Variants in PLXNA2 observed in about 807,000 individuals in gnomAD.
PLXNA2 encodes the protein plexin-A2.
PLXNA2 carries 91 observed loss-of-function variants against 193.5 expected under a neutral mutation model. The observed-to-expected ratio is 0.47, with a 90% CI of 0.40 to 0.56. The LOEUF (loss-of-function observed/expected upper bound fraction) is 0.56. PLXNA2 is among the 20% of genes least tolerant of loss of function. The probability of loss-of-function intolerance (pLI) is 0.00; values close to 1 mark genes in which losing one functional copy is unlikely to be tolerated. For synonymous variants in PLXNA2, 997 were observed against 1,027.3 expected (o/e 0.97, Z 0.56); for missense variants, 1,995 against 2,503.2 (o/e 0.80, Z 4.33).
At chr1:208,149,676 G>C (rs1475267626) in intron 3 of PLXNA2, among the ~76,000 whole-genome samples, 3 of 152,030 alleles carry the variant, frequency 2.0e-5, no homozygotes, top group African/African-American at 7.2e-5. Context: ...GAGTTAATGA[G>C]AGTGTATCTG....
chr1:208,023,558 T>C lies in PLXNA2; in HGVS notation c.*3685A>G, dbSNP rs1664251174. On this transcript the variant is annotated 3_prime_UTR_variant, in exon 32 of 32. Coordinates refer to ENST00000367033, the MANE Select transcript of PLXNA2 (RefSeq NM_025179.4). ...GCAGGTGAAGTGCAGCCAGAAGAGA[T>C]GGTGGCAGTAGAAACAAGAGCAGCT... 1 of 152,712 alleles carries C rather than the reference T, an allele frequency of 6.5e-6. No homozygotes were observed. Among genetic ancestry groups the C allele is most frequent in the Non-Finnish European group, 1.5e-5 (1 of 68,154 alleles). The allele number at this position is 152,712 out of a possible 1,614,324, so 9.5% of individuals were successfully genotyped here.
At chr1:208,077,334 GCCTCGCGTAGCCTGGGTGT>G (rs1558180003) in intron 12 of PLXNA2, among the ~76,000 whole-genome samples, 1 of 152,168 alleles carries the variant, frequency 6.6e-6, no homozygotes, top group Non-Finnish European at 1.5e-5. Flanking sequence ...GGGTTAATTA[GCCTCGCGTAGCCTGGGTGT>G]CCTCTGTGAA....
At chr1:208,113,802 C>T (rs1466425016) in intron 4 of PLXNA2, among the ~76,000 whole-genome samples, 4 of 152,050 alleles carry the variant, frequency 2.6e-5, no homozygotes, top group East Asian at 1.9e-4. Context: ...GTGATCTGCC[C>T]GCCAGAGCAA....
At chr1:208,094,972 C>T (rs1666832894) in intron 8 of PLXNA2, among the ~76,000 whole-genome samples, 1 of 152,192 alleles carries the variant, frequency 6.6e-6, no homozygotes, top group Non-Finnish European at 1.5e-5. Flanking sequence ...CCTTCATGCC[C>T]ATAGCTTGGA....
intron 8 of PLXNA2, among the ~76,000 whole-genome samples, chr1:208,094,449 G>C: frequency 6.7e-6 from 1 of 150,190 alleles, no homozygotes; most frequent in East Asian, 1.9e-4. Context: ...TTTTTTTTCT[G>C]TTAAAACTTG....
At chr1:208,170,828 G>GAAATA (rs1322006008) in intron 3 of PLXNA2, among the ~76,000 whole-genome samples, 1 of 151,990 alleles carries the variant, frequency 6.6e-6, no homozygotes, top group Admixed American at 6.6e-5. Flanking sequence ...AGTATAAACA[G>GAAATA]AAATAAAATA....
chr1:208,118,632 T>C (rs1258112363), intron 4 of PLXNA2, among the ~76,000 whole-genome samples: 1 of 152,166 alleles, frequency 6.6e-6, no homozygotes, highest in Non-Finnish European at 1.5e-5. Flanking sequence ...TCCTCACAGC[T>C]TTCTATTCCT....
chr1:208,063,385 G>T (rs1029615236), intron 12 of PLXNA2, among the ~76,000 whole-genome samples: 2 of 152,332 alleles, frequency 1.3e-5, no homozygotes, highest in Middle Eastern at 3.4e-3. Flanking sequence ...CTGGGGTGCT[G>T]TAGGGTCTAT....
intron 9 of PLXNA2, among the ~76,000 whole-genome samples, chr1:208,087,273 T>C (rs549336235): frequency 1.3e-5 from 2 of 152,166 alleles, no homozygotes; most frequent in Non-Finnish European, 2.9e-5. Flanking sequence ...GTAATACCTA[T>C]ATATAACACA....
intron 3 of PLXNA2, among the ~76,000 whole-genome samples, chr1:208,177,744 G>A (rs1022453315): frequency 6.6e-6 from 1 of 152,272 alleles, no homozygotes; most frequent in Non-Finnish European, 1.5e-5. Flanking sequence ...GGTCCCCAGA[G>A]CAGCAGCATC....
chr1:208,240,613 T>C (rs534691497), intron 1 of PLXNA2, among the ~76,000 whole-genome samples: 27 of 151,740 alleles, frequency 1.8e-4, no homozygotes, highest in South Asian at 8.3e-4. Flanking sequence ...GCGGTGGTGA[T>C]TGGGGCTGAG....
At chr1:208,062,111 A>G (rs1185206535) in intron 12 of PLXNA2, among the ~76,000 whole-genome samples, 1 of 152,160 alleles carries the variant, frequency 6.6e-6, no homozygotes, top group Non-Finnish European at 1.5e-5. Flanking sequence ...AGCGTCCTCT[A>G]GAATCTCCCA....
intron 4 of PLXNA2, among the ~76,000 whole-genome samples, chr1:208,134,570 C>A (rs552756657): frequency 6.6e-6 from 1 of 152,268 alleles, no homozygotes; most frequent in South Asian, 2.1e-4. Context: ...CTTTCCTAAT[C>A]CGCAAACTCT....
rs544977340 is a variant in PLXNA2 at position 208,022,700 on chromosome 1, T to A, written c.*4543A>T. 2 of 152,682 alleles carry A rather than the reference T, an allele frequency of 1.3e-5. No individual in the cohort carries two copies. Among genetic ancestry groups the A allele is most frequent in the Middle Eastern group, 3.4e-3 (1 of 294 alleles). The allele number at this position is 152,682 out of a possible 1,614,324, so 9.5% of individuals were successfully genotyped here. A position where few individuals can be genotyped will look rare whatever the true frequency, so the allele number is the denominator to read the frequency against. ...CATGCCAAGATGAAGGCCAAATAAGTCAAAGTGAGGACTTTGAAATGCAGA... is the reference window on the plus strand; with the variant it reads ...CATGCCAAGATGAAGGCCAAATAAGACAAAGTGAGGACTTTGAAATGCAGA... On this transcript the variant is annotated 3_prime_UTR_variant, in exon 32 of 32. Coordinates refer to ENST00000367033, the MANE Select transcript of PLXNA2 (RefSeq NM_025179.4).
At position 208,244,274 on chromosome 1, in the gene PLXNA2, C is replaced by T. The variant is rs914594694; in HGVS notation, c.-712G>A. 1.5e-5 allele frequency: 3 copies of T among 194,456 alleles called. No homozygotes were observed. The highest frequency in any genetic ancestry group is 3.0e-5 in the Non-Finnish European group (3 of 99,254). 12.0% of individuals were successfully genotyped at this position (194,456 alleles called of 1,614,324 possible). ...TCCCGCTCCAGTCTGGCGCGGATGC[C>T]GCTCCTCCCGGCAGCTCTGGCTCCC... is the stretch of plus-strand genomic sequence containing the variant. On this transcript the variant is annotated 5_prime_UTR_variant, in exon 1 of 32. Transcript: ENST00000367033.
At chr1:208,211,092 T>A (rs1004434603) in intron 2 of PLXNA2, among the ~76,000 whole-genome samples, 2 of 152,230 alleles carry the variant, frequency 1.3e-5, no homozygotes, top group African/African-American at 4.8e-5. Context: ...CCTTATACTT[T>A]GGAAAAGTTA....
chr1:208,052,400 T>C lies in PLXNA2; in HGVS notation c.2920A>G (p.Ile974Val). The C allele has an allele frequency of 6.2e-7, 1 of 1,614,108 alleles. No homozygotes were observed. Among genetic ancestry groups the C allele is most frequent in the Non-Finnish European group, 8.5e-7 (1 of 1,179,980 alleles). ...CCAGCCCCAAGGTAATGGCCGGTAA[T>C]GGTCACCATAGTGCCTCCTGACTCG... is the stretch of plus-strand genomic sequence containing the variant. ...GPESGGTMVT[I>V]TGHYLGAGSS... Residue 974 changes from isoleucine to valine, a missense_variant, in exon 15 of 32, where the codon ATT becomes GTT. Ile to Val is a conservative substitution (Grantham distance 29). Around this residue, in one of 3 missense-constraint regions of PLXNA2, gnomAD observed 1,291 missense variants for 1,673.6 expected, o/e 0.77. Transcript: ENST00000367033.
intron 1 of PLXNA2, among the ~76,000 whole-genome samples, chr1:208,227,626 T>C (rs1671552661): frequency 6.6e-6 from 1 of 152,194 alleles, no homozygotes. Context: ...GAGCTGATCC[T>C]TTATTTTGGT....
intron 3 of PLXNA2, among the ~76,000 whole-genome samples, chr1:208,185,526 G>C (rs1419419489): frequency 6.6e-6 from 1 of 151,664 alleles, no homozygotes; most frequent in Non-Finnish European, 1.5e-5. Context: ...CAGTTTGATG[G>C]TTCCCACAAA....
Sources: gnomAD v4.1 joint callset for allele counts (sites outside exome capture counted in the v4.1 genomes callset) on GRCh38, gnomAD v4.1.1 for gene constraint, gnomAD v4.1.1 regional missense constraint, MANE v1.5 for transcripts, NCBI Gene and HGNC (gene_info 2026-07-23, HGNC 2026-07-21) for gene names.